The following OR3A2 variants were observed in gnomAD, a reference collection of about 807,000 sequenced individuals.
The protein encoded by OR3A2 is olfactory receptor family 3 subfamily A member 2, also known as olfactory receptor 3A2.
For missense variants in OR3A2, 318 were observed against 392.8 expected (o/e 0.81, Z 1.61); for synonymous variants, 126 against 159.3 (o/e 0.79, Z 1.57).
intron 3 of OR3A2, among the ~76,000 whole-genome samples, chr17:3,296,524 C>T (rs925562305): frequency 6.6e-6 from 1 of 151,902 alleles, no homozygotes; most frequent in African/African-American, 2.4e-5. Context: ...AAAAGGGGTA[C>T]ATAAACTTGT....
intron 3 of OR3A2, chr17:3,310,439 AG>A (rs771459540): frequency 7.5e-6 from 4 of 535,524 alleles, no homozygotes; most frequent in Non-Finnish European, 1.5e-5. Flanking sequence ...CTACCATTGG[AG>A]GCACCCTCAG....
intron 2 of OR3A2, among the ~76,000 whole-genome samples, chr17:3,355,573 G>A (rs558410307): frequency 2.0e-4 from 31 of 151,230 alleles, no homozygotes; most frequent in African/African-American, 7.1e-4. Context: ...ATTATATAAT[G>A]CCCTTCTTTT....
At chr17:3,349,020 T>A (rs9897969) in intron 2 of OR3A2, among the ~76,000 whole-genome samples, 22,853 of 151,798 alleles carry the variant, frequency 0.15, 2,283 homozygotes, top group African/African-American at 0.28. Flanking sequence ...CTAAAAGAGT[T>A]CCTGAAGGAA....
intron 2 of OR3A2, among the ~76,000 whole-genome samples, chr17:3,345,852 A>G (rs1480721393): frequency 6.6e-6 from 1 of 152,178 alleles, no homozygotes; most frequent in Non-Finnish European, 1.5e-5. Flanking sequence ...TCAAAACAAA[A>G]TGGATTAAAA....
intron 1 of OR3A2, among the ~76,000 whole-genome samples, chr17:3,279,875 CAGAG>C (rs2048766397): frequency 6.6e-6 from 1 of 152,146 alleles, no homozygotes; most frequent in African/African-American, 2.4e-5. Context: ...TAGCAAGAAT[CAGAG>C]AGAAGGTATT....
At chr17:3,315,097 C>T (rs1293795475) in intron 3 of OR3A2, among the ~76,000 whole-genome samples, 1 of 152,130 alleles carries the variant, frequency 6.6e-6, no homozygotes, top group Non-Finnish European at 1.5e-5. Context: ...CTGATGGGTA[C>T]CTGGGTTGAT....
At chr17:3,385,996 G>A in intron 1 of OR3A2, 129 bp downstream of exon 1, 1 of 373,334 alleles carries the variant, frequency 2.7e-6, no homozygotes, top group African/African-American at 2.3e-5. Context: ...CGGAACAGAC[G>A]CCCACCCGCT....
At chr17:3,358,670 A>G (rs1490133743) in intron 2 of OR3A2, among the ~76,000 whole-genome samples, 1 of 151,624 alleles carries the variant, frequency 6.6e-6, no homozygotes, top group African/African-American at 2.4e-5. Flanking sequence ...GTTCTATTAC[A>G]TTTGTTGAGG....
rs929959617 is a variant in OR3A2, at chr17:3,324,172, C to T, written c.-85+11861G>A. Among the ~76,000 whole-genome samples, 14 of 152,168 alleles carry T rather than the reference C, an allele frequency of 9.2e-5. 1 individual carries two copies. Among genetic ancestry groups the T allele is most frequent in the African/African-American group, 3.1e-4 (13 of 41,478 alleles). ...CATCGGCTACTGAGGCTTCTGCATTCGTCACGTAGTTCTCGTGCCTTGGTT... is the reference window on the plus strand; with the variant it reads ...CATCGGCTACTGAGGCTTCTGCATTTGTCACGTAGTTCTCGTGCCTTGGTT... On this transcript the variant is annotated intron_variant, in intron 3 of 4. Transcript: ENST00000573491.
At chr17:3,342,792 G>A (rs566172440) in intron 2 of OR3A2, among the ~76,000 whole-genome samples, 1 of 152,276 alleles carries the variant, frequency 6.6e-6, no homozygotes, top group South Asian at 2.1e-4. Context: ...CACCATGATG[G>A]GAGAACCACT....
intron 1 of OR3A2, among the ~76,000 whole-genome samples, chr17:3,283,516 C>A (rs1273855473): frequency 6.6e-6 from 1 of 152,324 alleles, no homozygotes; most frequent in East Asian, 1.9e-4. Context: ...TAAGTCACTG[C>A]GCCCGGCCGG....
At chr17:3,368,484 A>G (rs964515564) in intron 2 of OR3A2, among the ~76,000 whole-genome samples, 5 of 152,134 alleles carry the variant, frequency 3.3e-5, no homozygotes, top group Non-Finnish European at 7.4e-5. Context: ...CCATTTGTTG[A>G]ATAGGGTGCC....
exon 2 of OR3A2, chr17:3,277,869 G>C: frequency 8.0e-7 from 1 of 1,256,162 alleles, no homozygotes; most frequent in South Asian, 1.5e-5. Flanking sequence ...AGCATCAGGA[G>C]ATAGGAAAAA....
intron 3 of OR3A2, among the ~76,000 whole-genome samples, chr17:3,334,920 A>G (rs1038866444): frequency 6.6e-6 from 1 of 152,196 alleles, no homozygotes; most frequent in South Asian, 2.1e-4. Flanking sequence ...GTTCTTATAC[A>G]TATTGCTAAA....
chr17:3,367,606 T>TATATATAC (rs2049576132), intron 2 of OR3A2, among the ~76,000 whole-genome samples: 1 of 142,286 alleles, frequency 7.0e-6, no homozygotes, highest in African/African-American at 2.9e-5. Context: ...TGTGTGTATA[T>TATATATAC]ATATATATAT....
intron 3 of OR3A2, among the ~76,000 whole-genome samples, chr17:3,325,060 CTATT>C (rs1405433906): frequency 1.3e-5 from 2 of 151,846 alleles, no homozygotes; most frequent in Non-Finnish European, 2.9e-5. Flanking sequence ...ATATTGTCAT[CTATT>C]TTTTTTACTA....
chr17:3,340,169 T>C (rs1487569225), intron 2 of OR3A2, among the ~76,000 whole-genome samples: 2 of 151,538 alleles, frequency 1.3e-5, no homozygotes, highest in African/African-American at 4.8e-5. Context: ...CTCTTCTTAT[T>C]AGTCTTGCTA....
At chr17:3,384,168 T>A (rs1005463586) in intron 1 of OR3A2, among the ~76,000 whole-genome samples, 1 of 152,150 alleles carries the variant, frequency 6.6e-6, no homozygotes. Context: ...TGGCAAAGGG[T>A]AGGTGTGCTA....
intron 3 of OR3A2, among the ~76,000 whole-genome samples, chr17:3,297,099 A>G (rs1407068550): frequency 1.3e-5 from 2 of 152,200 alleles, no homozygotes; most frequent in East Asian, 3.8e-4. Flanking sequence ...CACCAGGCAG[A>G]GCTGGTGGAA....
Sources: gnomAD v4.1 joint callset for allele counts (sites outside exome capture counted in the v4.1 genomes callset) on GRCh38, gnomAD v4.1.1 for gene constraint, MANE v1.5 for transcripts, NCBI Gene and HGNC (gene_info 2026-07-23, HGNC 2026-07-21) for gene names.